Variants in GLI3 observed in about 807,000 individuals in gnomAD.
The protein encoded by GLI3 is transcription activator GLI3.
Under a neutral mutation model 100.8 loss-of-function variants are expected in GLI3, and 20 were observed. The observed-to-expected ratio is 0.20, with a 90% CI of 0.14 to 0.29. The LOEUF is 0.29. Ranked by LOEUF, GLI3 falls within the 10% of genes least tolerant of loss-of-function variation. GLI3 has a pLI of 1.00. For missense variants in GLI3, 2,040 were observed against 2,128.5 expected, an observed-to-expected ratio of 0.96 and a Z score of 0.82; for synonymous variants, 938 against 860.5, an observed-to-expected ratio of 1.09 and a Z score of -1.58.
intron 4 of GLI3, among the ~76,000 whole-genome samples, chr7:42,053,303 TTG>T (rs1310202618): frequency 6.6e-6 from 1 of 152,146 alleles, no homozygotes; most frequent in Non-Finnish European, 1.5e-5. Context: ...GGCCCAATTA[TTG>T]TGTTTTTAAC....
intron 3 of GLI3, among the ~76,000 whole-genome samples, chr7:42,116,569 T>C (rs1785862435): frequency 6.6e-6 from 1 of 151,982 alleles, no homozygotes; most frequent in Non-Finnish European, 1.5e-5. Context: ...TCGTAAAATC[T>C]ATCCATTTGT....
Position 41,966,402 on chromosome 7 carries a change from C to T in GLI3, c.2671G>A (p.Val891Met), listed in dbSNP as rs776220927. Residue 891 changes from valine (V) to methionine (M), a missense_variant, in exon 15 of 15, where the codon GTG becomes ATG. Around this residue, in one of 5 missense-constraint regions of GLI3, gnomAD observed 327 missense variants for 338.7 expected, o/e 0.97. Coordinates refer to ENST00000395925, the MANE Select transcript of GLI3 (RefSeq NM_000168.6). This position sits in a 1 kb window ranked among gnomAD's most constrained non-coding sequence, Gnocchi z 5.8. The part of the protein sequence containing the change: ...QAEGRPQNVS[V>M]ADSYDPISTD... ...GAGATGGGGTCGTAGGAGTCGGCCA[C>T]GCTCACGTTCTGCGGCCGGCCCTCG... 1.9e-6 allele frequency: 3 copies of T among 1,610,962 alleles called. No homozygotes were observed. The highest frequency in any genetic ancestry group is 1.7e-5 in the Admixed American group (1 of 59,946).
chr7:42,042,235 C>T (rs1583503020), intron 6 of GLI3, among the ~76,000 whole-genome samples: 1 of 151,970 alleles, frequency 6.6e-6, no homozygotes, highest in Non-Finnish European at 1.5e-5. Flanking sequence ...AGGATGGTCT[C>T]GATCTCTTGA....
intron 2 of GLI3, among the ~76,000 whole-genome samples, chr7:42,180,704 T>C (rs1237904499): frequency 7.2e-5 from 11 of 152,254 alleles, no homozygotes; most frequent in Admixed American, 2.0e-4. Flanking sequence ...AATTATCTCC[T>C]GTTGGAGTGA....
At chr7:42,138,986 C>T (rs552857640) in intron 3 of GLI3, among the ~76,000 whole-genome samples, 7 of 152,322 alleles carry the variant, frequency 4.6e-5, no homozygotes, top group East Asian at 1.9e-4. Context: ...ATTGCAGGCT[C>T]ATCCACTAAT....
Position 41,967,613 on chromosome 7 carries a change from G to A in GLI3, c.2414C>T (p.Ser805Phe). The A allele has an allele frequency of 1.9e-6, 3 of 1,612,998 alleles. No homozygotes were observed. The highest frequency in any genetic ancestry group is 2.5e-6 in the Non-Finnish European group (3 of 1,179,280). Residue 805 changes from serine (S) to phenylalanine (F), a missense_variant, in exon 14 of 15, where the codon TCT becomes TTT. By Grantham distance (155) the Ser-to-Phe change is radical (BLOSUM62 -2). Transcript: ENST00000395925. ...GAACTCACCATTTCCTATGAGAGGA[G>A]AGACCGCAGGGGCTTTAGGGGGTAG... ...PILPPKAPAV[S>F]PLIGNGTQSN...
chr7:42,165,990 T>C (rs1787233817), intron 2 of GLI3, among the ~76,000 whole-genome samples: 1 of 152,188 alleles, frequency 6.6e-6, no homozygotes, highest in East Asian at 1.9e-4. Context: ...GTTACGGTGT[T>C]CCGTATGCTC....
In GLI3 at chr7:42,217,684, CCTT is replaced by C. The variant is rs1392954403; in HGVS notation, c.124+5443_124+5445del. Among the ~76,000 whole-genome samples, 14 of 152,276 alleles carry C rather than the reference CCTT, an allele frequency of 9.2e-5. No individual in the cohort carries two copies. The East Asian group carries it at 2.7e-3, about 29-fold the overall frequency. ...ACTTTGTTTTTTTTAATCCATCCCT[CCTT>C]AAGATGTGCAAACTTAGTCACATTT... On this transcript the variant is annotated intron_variant, in intron 2 of 14. Transcript: ENST00000395925.
chr7:42,193,947 G>A (rs1787876783), intron 2 of GLI3, among the ~76,000 whole-genome samples: 1 of 152,024 alleles, frequency 6.6e-6, no homozygotes, highest in South Asian at 2.1e-4. Flanking sequence ...CCCCTCCTCC[G>A]TCCCCTGAAA....
intron 2 of GLI3, among the ~76,000 whole-genome samples, chr7:42,177,536 G>C (rs1394745368): frequency 1.3e-5 from 2 of 152,146 alleles, no homozygotes; most frequent in South Asian, 4.1e-4. Flanking sequence ...CCATCAGTCT[G>C]ATCCAGAACT....
chr7:42,108,201 G>A (rs1041775747), intron 3 of GLI3, among the ~76,000 whole-genome samples: 1 of 152,178 alleles, frequency 6.6e-6, no homozygotes, highest in Non-Finnish European at 1.5e-5. Flanking sequence ...GCAGAAATAC[G>A]TGGATGCTTA....
chr7:42,065,522 T>C (rs1302976146), intron 4 of GLI3, among the ~76,000 whole-genome samples: 12 of 152,180 alleles, frequency 7.9e-5, no homozygotes. Flanking sequence ...ACATAGTTCA[T>C]AAGTTTATCA....
At chr7:42,211,012 T>C (rs558874185) in intron 2 of GLI3, among the ~76,000 whole-genome samples, 2 of 152,276 alleles carry the variant, frequency 1.3e-5, no homozygotes, top group South Asian at 2.1e-4. Context: ...TGAATACACA[T>C]GTAGACAGAC....
chr7:42,058,357 G>A (rs1583518758), intron 4 of GLI3, among the ~76,000 whole-genome samples: 3 of 152,234 alleles, frequency 2.0e-5, no homozygotes. Flanking sequence ...CATTTACTGA[G>A]CTACATGTGT....
At chr7:41,998,012 A>C (rs907164220) in intron 10 of GLI3, among the ~76,000 whole-genome samples, 6 of 152,122 alleles carry the variant, frequency 3.9e-5, no homozygotes, top group Admixed American at 2.0e-4. Context: ...GCACACTTAA[A>C]ATTTTTTAAT....
At chr7:42,085,920 T>C (rs1207613345) in intron 3 of GLI3, among the ~76,000 whole-genome samples, 1 of 152,216 alleles carries the variant, frequency 6.6e-6, no homozygotes, top group Non-Finnish European at 1.5e-5. Flanking sequence ...AAGAGTGTGC[T>C]GGTTGGCAAC....
intron 10 of GLI3, among the ~76,000 whole-genome samples, chr7:42,005,258 T>C (rs1002979030): frequency 1.1e-4 from 17 of 152,216 alleles, no homozygotes; most frequent in Admixed American, 1.1e-3. Flanking sequence ...CGTTTCCCTG[T>C]TGCTTTAGTA....
chr7:41,966,211 C>A lies in GLI3; in HGVS notation c.2862G>T (p.Lys954Asn), dbSNP rs949855345. The change falls in exon 15 of 15, where the codon AAG becomes AAT. Residue 954 changes from lysine to asparagine, a missense_variant. Coordinates refer to ENST00000395925, the MANE Select transcript of GLI3 (RefSeq NM_000168.6). This position sits in a 1 kb window ranked among gnomAD's most constrained non-coding sequence, Gnocchi z 5.8. ...CATCCCCGAGCAGCGCCAGGCGCGT[C>A]TTCAGGCTCATCCTCTCCATGTTGG... is the stretch of plus-strand genomic sequence containing the variant. ...PLPNMERMSL[K>N]TRLALLGDAL... is the part of the protein sequence containing the mutation. The A allele has an allele frequency of 3.1e-6, 5 of 1,608,000 alleles. No homozygotes were observed. The African/African-American group carries it at 5.3e-5, about 17-fold the overall frequency.
At chr7:42,154,803 C>T (rs1786961358) in intron 2 of GLI3, among the ~76,000 whole-genome samples, 1 of 152,226 alleles carries the variant, frequency 6.6e-6, no homozygotes, top group African/African-American at 2.4e-5. Context: ...CCTAGAATGT[C>T]TAGAGCTTGG....
Sources: gnomAD v4.1 joint callset for allele counts (sites outside exome capture counted in the v4.1 genomes callset) on GRCh38, gnomAD v4.1.1 for gene constraint, gnomAD v4.1.1 regional missense constraint, Gnocchi (gnomAD v3.1) non-coding constraint, MANE v1.5 for transcripts, NCBI Gene and HGNC (gene_info 2026-07-23, HGNC 2026-07-21) for gene names.